Variants in AFF1 observed in about 807,000 individuals in gnomAD.
The protein encoded by AFF1 is AF4/FMR2 family member 1.
Under a neutral mutation model 121.7 loss-of-function variants are expected in AFF1, and 48 were observed. That is an observed-to-expected ratio of 0.39 (90% CI 0.31 to 0.50). The LOEUF (loss-of-function observed/expected upper bound fraction) is 0.50, where lower values mean the gene tolerates loss of function less well. Ranked by LOEUF, AFF1 falls within the 20% of genes least tolerant of loss-of-function variation. The pLI, the probability that AFF1 is intolerant of heterozygous loss-of-function variation, is 0.76. For synonymous variants in AFF1, 613 were observed against 563.0 expected (o/e 1.09, Z -1.26); for missense variants, 1,523 against 1,511.7 (o/e 1.01, Z -0.12).
At position 87,115,625 on chromosome 4, in the gene AFF1, T is replaced by TTTTTTTTTTTTTTTTTTTTTTTTTTTTC. The variant is rs397994396; in HGVS notation, c.2466+326_2466+327insTTTTTTTTTTTTTTTTTTTTTTTTTTTC. The stretch of plus-strand genomic sequence containing the variant: ...AACCCACCTCTTTTTTTTTTTTTTT[T>TTTTTTTTTTTTTTTTTTTTTTTTTTTTC]CCAAAGACAGGCCCTTGCTCTGTTG... On this transcript the variant is annotated intron_variant, in intron 12 of 20. Transcript: ENST00000395146. 2.9e-5 allele frequency among the ~76,000 whole-genome samples: 3 copies of TTTTTTTTTTTTTTTTTTTTTTTTTTTTC among 102,970 alleles called. 1 individual carries two copies. Among genetic ancestry groups the TTTTTTTTTTTTTTTTTTTTTTTTTTTTC allele is most frequent in the Non-Finnish European group, 3.9e-5 (2 of 50,944 alleles). The allele number at this position is 102,970 out of a possible 152,430, so 67.6% of individuals were successfully genotyped here. A position where few individuals can be genotyped will look rare whatever the true frequency, so the allele number is the denominator to read the frequency against.
At chr4:86,939,202 CATTT>C (rs1720277084) in intron 1 of AFF1, among the ~76,000 whole-genome samples, 1 of 152,176 alleles carries the variant, frequency 6.6e-6, no homozygotes, top group South Asian at 2.1e-4. Context: ...ATGGCATAAT[CATTT>C]AAGCCTAATT....
chr4:87,049,266 AT>A (rs1262086678), intron 4 of AFF1, among the ~76,000 whole-genome samples: 3 of 152,330 alleles, frequency 2.0e-5, no homozygotes, highest in Admixed American at 2.0e-4. Context: ...TGCAGGACAG[AT>A]TAGTCTAGTA....
In AFF1 at chr4:87,114,819, A is replaced by C. The variant is rs773538304; in HGVS notation, c.1986A>C (p.Ala662=). 1 of 1,613,738 alleles carries C rather than the reference A, an allele frequency of 6.2e-7. No homozygotes were observed. The highest frequency in any genetic ancestry group is 8.5e-7 in the Non-Finnish European group (1 of 1,179,850). The change falls in exon 12 of 21, where the codon GCA becomes GCC. Residue 662 remains alanine (A), a synonymous_variant. Transcript: ENST00000395146. ...VKTKGRPRAA[A]SNEPKPAVPP... The stretch of plus-strand genomic sequence containing the variant: ...CGAAAGGACGGCCCCGGGCCGCAGC[A>C]AGCAACGAACCCAAGCCAGCAGTGC...
chr4:86,984,331 CTTTT>C (rs1350597456), intron 2 of AFF1, among the ~76,000 whole-genome samples: 1 of 126,210 alleles, frequency 7.9e-6, no homozygotes. Flanking sequence ...ATTTTTTTTT[CTTTT>C]TTTTTTTTTT....
chr4:86,936,983 CTT>C (rs1480580269), intron 1 of AFF1, among the ~76,000 whole-genome samples: 3 of 152,166 alleles, frequency 2.0e-5, no homozygotes, highest in Non-Finnish European at 4.4e-5. Flanking sequence ...GATTTGGTCA[CTT>C]TGAGACAAAT....
chr4:87,061,372 G>C (rs1720771733), intron 4 of AFF1, among the ~76,000 whole-genome samples: 1 of 152,060 alleles, frequency 6.6e-6, no homozygotes, highest in African/African-American at 2.4e-5. Context: ...CCTTAAACTG[G>C]GCCATGTTTA....
intron 13 of AFF1, chr4:87,125,389 T>C (rs1198051644): frequency 9.6e-6 from 3 of 313,352 alleles, no homozygotes. Flanking sequence ...TCTTTAGACA[T>C]CTGGATTTTT....
At chr4:86,973,408 T>C (rs897125488) in intron 2 of AFF1, among the ~76,000 whole-genome samples, 1 of 152,246 alleles carries the variant, frequency 6.6e-6, no homozygotes, top group Non-Finnish European at 1.5e-5. Context: ...TAGTTTATGC[T>C]GAATTTTACA....
chr4:87,007,001 C>A (rs921554717), intron 2 of AFF1: 2 of 1,092,396 alleles, frequency 1.8e-6, no homozygotes, highest in East Asian at 5.0e-5. Context: ...AATTTCTTTT[C>A]CTTTCTAACT....
intron 4 of AFF1, among the ~76,000 whole-genome samples, chr4:87,075,072 C>G (rs1175824479): frequency 1.3e-5 from 2 of 152,072 alleles, no homozygotes; most frequent in Non-Finnish European, 2.9e-5. Flanking sequence ...TTTATGATGC[C>G]AATTATGCAG....
At chr4:86,984,562 G>A (rs961774002) in intron 2 of AFF1, among the ~76,000 whole-genome samples, 1 of 151,880 alleles carries the variant, frequency 6.6e-6, no homozygotes, top group African/African-American at 2.4e-5. Context: ...AGCTCAGGCA[G>A]TCCGCCCGCC....
intron 7 of AFF1, 46 bp from the exon 8 acceptor site, chr4:87,094,869 G>A (rs759093422): frequency 2.0e-5 from 31 of 1,587,040 alleles, no homozygotes; most frequent in African/African-American, 4.0e-5. Flanking sequence ...TAAGGATCTT[G>A]TAAATATGTG....
intron 4 of AFF1, among the ~76,000 whole-genome samples, chr4:87,064,210 C>A (rs986985212): frequency 1.3e-5 from 2 of 152,126 alleles, no homozygotes; most frequent in Admixed American, 1.3e-4. Flanking sequence ...CTGAACTGAA[C>A]ACTGATGTAT....
chr4:87,034,707 A>G (rs1015525023), intron 2 of AFF1, among the ~76,000 whole-genome samples: 1 of 152,022 alleles, frequency 6.6e-6, no homozygotes, highest in Non-Finnish European at 1.5e-5. Flanking sequence ...AGCTGAGGCA[A>G]CTCTCTTGGT....
chr4:87,005,321 T>C (rs945231329), intron 2 of AFF1, among the ~76,000 whole-genome samples: 2 of 152,254 alleles, frequency 1.3e-5, no homozygotes, highest in Admixed American at 6.5e-5. Context: ...ATTTCAAAAC[T>C]AAGGCAGATC....
At chr4:86,996,857 A>G (rs957229660) in intron 2 of AFF1, among the ~76,000 whole-genome samples, 2 of 152,370 alleles carry the variant, frequency 1.3e-5, no homozygotes, top group East Asian at 1.9e-4. Flanking sequence ...GAATGCATTC[A>G]AGATTAACGA....
At chr4:87,006,058 G>A (rs1726088863) in intron 2 of AFF1, among the ~76,000 whole-genome samples, 2 of 152,156 alleles carry the variant, frequency 1.3e-5, no homozygotes. Flanking sequence ...AGGTGCCTTG[G>A]GCCTCCCTCC....
At chr4:86,989,503 T>C (rs1432100162) in intron 2 of AFF1, among the ~76,000 whole-genome samples, 3 of 152,136 alleles carry the variant, frequency 2.0e-5, no homozygotes, top group African/African-American at 7.2e-5. Context: ...CTTAGAATGA[T>C]GATCATTAAA....
At position 87,047,135 on chromosome 4, in the gene AFF1, T is replaced by C; in HGVS notation, c.600T>C (p.Ala200=). 6.2e-7 allele frequency: 1 copy of C among 1,614,210 alleles called. No individual in the cohort carries two copies. The highest frequency in any genetic ancestry group is 8.5e-7 in the Non-Finnish European group (1 of 1,180,040). The change falls in exon 4 of 21, where the codon GCT becomes GCC. Residue 200 remains alanine (A), a synonymous_variant. Transcript: ENST00000395146. ...GDHCASVTDS[A]PERELSPLIS... ...ACTGTGCTTCGGTGACAGATTCGGC[T>C]CCAGAGAGGGAGCTTTCTCCCTTAA...
Sources: gnomAD v4.1 joint callset for allele counts (sites outside exome capture counted in the v4.1 genomes callset) on GRCh38, gnomAD v4.1.1 for gene constraint, MANE v1.5 for transcripts, NCBI Gene and HGNC (gene_info 2026-07-23, HGNC 2026-07-21) for gene names.